The following DMD variants were observed in gnomAD, a reference collection of about 807,000 sequenced individuals.
DMD encodes dystrophin.
Under a neutral mutation model 330.1 loss-of-function variants are expected in DMD, and 63 were observed. That is an observed-to-expected ratio of 0.19 (90% CI 0.16 to 0.24). The LOEUF is 0.24. Among genes scored for constraint, DMD ranks in the 10% least tolerant of loss-of-function variants. DMD has a pLI of 1.00. For synonymous variants in DMD, 1,223 were observed against 959.8 expected, an observed-to-expected ratio of 1.27 and a Z score of -5.07; for missense variants, 3,344 against 2,684.1, an observed-to-expected ratio of 1.25 and a Z score of -5.43.
chrX:32,314,383 T>A (rs2097575539), intron 41 of DMD, among the ~76,000 whole-genome samples: 1 of 111,276 alleles, frequency 9.0e-6, no homozygotes, highest in Admixed American at 9.6e-5. Flanking sequence ...TTACACCTTA[T>A]ACAAAAATTA....
chrX:31,670,449 G>A (rs971966921), intron 53 of DMD, among the ~76,000 whole-genome samples: 1 of 111,614 alleles, frequency 9.0e-6, no homozygotes, highest in Non-Finnish European at 1.9e-5. Flanking sequence ...ATCAGGTTGA[G>A]GAAATCCTCT....
intron 77 of DMD, among the ~76,000 whole-genome samples, chrX:31,130,115 T>C (rs1023743829): frequency 6.3e-5 from 7 of 111,746 alleles, no homozygotes; most frequent in Middle Eastern, 4.2e-3. Context: ...CATTCATCTA[T>C]ATAAAGTGGT....
intron 49 of DMD, among the ~76,000 whole-genome samples, chrX:31,831,639 C>G (rs779518695): frequency 1.8e-5 from 2 of 111,653 alleles, no homozygotes; most frequent in Admixed American, 1.9e-4. Context: ...CACTCTGTCA[C>G]CCAGGCTGGA....
At chrX:33,103,098 A>T (rs985220636) in intron 1 of DMD, among the ~76,000 whole-genome samples, 1 of 112,000 alleles carries the variant, frequency 8.9e-6, no homozygotes, top group Admixed American at 9.5e-5. Context: ...TGATTAAGGT[A>T]TCTGTTACAA....
At chrX:32,698,282 T>C (rs2063804278) in intron 8 of DMD, among the ~76,000 whole-genome samples, 1 of 111,278 alleles carries the variant, frequency 9.0e-6, no homozygotes, top group African/African-American at 3.3e-5. Flanking sequence ...TATGGGATGG[T>C]ACTCTTCAAT....
At chrX:32,498,713 T>A (rs948088016) in intron 19 of DMD, among the ~76,000 whole-genome samples, 1 of 111,885 alleles carries the variant, frequency 8.9e-6, no homozygotes, top group African/African-American at 3.2e-5. Context: ...TCACATTTGA[T>A]AAAATACAGT....
intron 2 of DMD, among the ~76,000 whole-genome samples, chrX:32,912,575 C>T (rs902590648): frequency 4.5e-5 from 5 of 111,709 alleles, no homozygotes; most frequent in Admixed American, 9.5e-5. Context: ...ATTTCTATGA[C>T]GGAATATGAC....
intron 60 of DMD, among the ~76,000 whole-genome samples, chrX:31,440,089 C>G (rs5927754): frequency 9.2e-6 from 1 of 108,285 alleles, no homozygotes; most frequent in South Asian, 3.9e-4. Flanking sequence ...AAAGAAGATA[C>G]ATGTAAAAAA....
intron 1 of DMD, among the ~76,000 whole-genome samples, chrX:33,198,878 G>A (rs1291902384): frequency 1.8e-5 from 2 of 109,761 alleles, no homozygotes; most frequent in Non-Finnish European, 3.8e-5. Flanking sequence ...GGTGGAAAAT[G>A]GTGTCATCAA....
At chrX:32,309,626 T>C (rs1462273139) in intron 42 of DMD, among the ~76,000 whole-genome samples, 1 of 111,243 alleles carries the variant, frequency 9.0e-6, no homozygotes, top group Non-Finnish European at 1.9e-5. Flanking sequence ...TTCCATATGT[T>C]ATAGCACAGG....
intron 1 of DMD, among the ~76,000 whole-genome samples, chrX:33,280,129 T>G (rs1009925358): frequency 2.7e-5 from 3 of 110,271 alleles, no homozygotes; most frequent in African/African-American, 9.9e-5. Context: ...ACTACAGGTG[T>G]GCGCCACTAC....
chrX:31,525,510 C>T (rs1037446117), intron 55 of DMD, among the ~76,000 whole-genome samples: 5 of 111,526 alleles, frequency 4.5e-5, no homozygotes, highest in Admixed American at 9.6e-5. Flanking sequence ...ATTAAATGTA[C>T]GGAATTAAAC....
chrX:31,816,829 A>G (rs1296452008), intron 50 of DMD, among the ~76,000 whole-genome samples: 1 of 58,126 alleles, frequency 1.7e-5, no homozygotes, highest in East Asian at 5.5e-4. Context: ...CACAAAGAAA[A>G]AAGAAAGAAA....
In DMD at chrX:32,473,614, C is replaced by T. The variant is rs189702342; in HGVS notation, c.2804-1305G>A. ...ATTTAATGTAGTATTCAGATGGTTGCGATAATCTTAGAGAGTGTGTTGGCA... is the reference window on the plus strand; with the variant it reads ...ATTTAATGTAGTATTCAGATGGTTGTGATAATCTTAGAGAGTGTGTTGGCA... On this transcript the variant is annotated intron_variant, in intron 21 of 78. Coordinates refer to ENST00000357033, the MANE Select transcript of DMD (RefSeq NM_004006.3). 1.4e-3 allele frequency among the ~76,000 whole-genome samples: 153 copies of T among 110,777 alleles called. 1 individual carries two copies. Among genetic ancestry groups the T allele is most frequent in the East Asian group, 9.7e-3 (34 of 3,521 alleles).
chrX:32,461,314 G>C (rs955332570), intron 25 of DMD, among the ~76,000 whole-genome samples: 1 of 110,824 alleles, frequency 9.0e-6, no homozygotes, highest in Non-Finnish European at 1.9e-5. Flanking sequence ...TTACCGCATC[G>C]TCTTCTTCTT....
intron 1 of DMD, among the ~76,000 whole-genome samples, chrX:33,166,355 T>G (rs1010267884): frequency 2.6e-4 from 29 of 111,315 alleles, no homozygotes; most frequent in African/African-American, 8.8e-4. Flanking sequence ...GGATTATTCT[T>G]TAAAACATGG....
intron 16 of DMD, among the ~76,000 whole-genome samples, chrX:32,557,878 A>G (rs808585): frequency 0.18 from 19,796 of 109,822 alleles, 1,673 homozygotes; most frequent in East Asian, 0.43. Context: ...AAAGTTCAGG[A>G]CAGTAGCCTG....
At chrX:33,131,021 A>T (rs757517353) in intron 1 of DMD, among the ~76,000 whole-genome samples, 2 of 111,665 alleles carry the variant, frequency 1.8e-5, no homozygotes, top group Admixed American at 1.9e-4. Context: ...TCATCCAACT[A>T]ACCGGAAGTG....
intron 60 of DMD, among the ~76,000 whole-genome samples, chrX:31,396,206 C>T (rs1030430663): frequency 9.4e-6 from 1 of 105,887 alleles, no homozygotes; most frequent in Non-Finnish European, 1.9e-5. Context: ...GGCGCGATCT[C>T]GGCTCACTGC....
Sources: allele counts gnomAD v4.1 joint callset (sites outside exome capture counted in the v4.1 genomes callset), GRCh38; gene constraint gnomAD v4.1.1; transcripts MANE v1.5; gene names NCBI Gene and HGNC (gene_info 2026-07-23, HGNC 2026-07-21).